The following GYS2 variants were observed in gnomAD, a reference collection of about 807,000 sequenced individuals.
The protein encoded by GYS2 is glycogen [starch] synthase, liver.
A neutral mutation model predicts 85.6 loss-of-function variants in GYS2; 80 were observed. The observed-to-expected ratio is 0.93, with a 90% CI of 0.78 to 1.13. The LOEUF (loss-of-function observed/expected upper bound fraction) is 1.13. GYS2 is among the 50% of genes most tolerant of loss of function. The pLI, the probability that GYS2 is intolerant of heterozygous loss-of-function variation, is 0.00. For synonymous variants in GYS2, 328 were observed against 300.7 expected, an observed-to-expected ratio of 1.09 and a Z score of -0.94; for missense variants, 881 against 854.9, an observed-to-expected ratio of 1.03 and a Z score of -0.38.
At chr12:21,563,159 C>G (rs1944276145) in intron 6 of GYS2, 69 bp downstream of exon 6, 1 of 1,185,546 alleles carries the variant, frequency 8.4e-7, no homozygotes, top group East Asian at 2.3e-5. Flanking sequence ...TATTACAATT[C>G]TGTTTTCTCT....
At position 21,586,491 on chromosome 12, in the gene GYS2, C is replaced by G. The variant is rs556353496; in HGVS notation, c.122-5968G>C. Among the ~76,000 whole-genome samples, 5 of 152,012 alleles carry G rather than the reference C, an allele frequency of 3.3e-5. No homozygotes were observed. In the East Asian group the frequency reaches 9.7e-4, roughly 29 times the overall value. ...CTATTAGTTCTGTCTCTCTAGGGAA[C>G]CCTGACAAATACAGTGAGCTCAGGT... On this transcript the variant is annotated intron_variant, in intron 1 of 15. Transcript: ENST00000261195.
At chr12:21,560,745 GT>G (rs1944243375) in intron 7 of GYS2, among the ~76,000 whole-genome samples, 1 of 152,096 alleles carries the variant, frequency 6.6e-6, no homozygotes, top group African/African-American at 2.4e-5. Flanking sequence ...GTATTTGTCA[GT>G]TAACAATTTG....
chr12:21,603,850 G>A (rs153945), intron 1 of GYS2, among the ~76,000 whole-genome samples: 145,937 of 152,196 alleles, frequency 0.96, 70,303 homozygotes, highest in East Asian at 1. Flanking sequence ...ACCCAGCACA[G>A]ATGAGGTTAT....
intron 1 of GYS2, among the ~76,000 whole-genome samples, chr12:21,597,394 A>G (rs1944708512): frequency 6.6e-6 from 1 of 152,160 alleles, no homozygotes; most frequent in Non-Finnish European, 1.5e-5. Flanking sequence ...TTGGCAAAGG[A>G]TATTTTTCAA....
chr12:21,542,127 C>T (rs979249654), intron 13 of GYS2, among the ~76,000 whole-genome samples: 1 of 151,974 alleles, frequency 6.6e-6, no homozygotes, highest in African/African-American at 2.4e-5. Context: ...AGCTCACTGC[C>T]TCCTCCGCCT....
At chr12:21,563,735 T>A (rs930459109) in intron 5 of GYS2, among the ~76,000 whole-genome samples, 5 of 152,192 alleles carry the variant, frequency 3.3e-5, no homozygotes, top group African/African-American at 1.2e-4. Flanking sequence ...AGTGCTCTTA[T>A]CTGCATTTTC....
intron 7 of GYS2, among the ~76,000 whole-genome samples, chr12:21,562,373 C>A (rs945142737): frequency 3.3e-5 from 5 of 151,996 alleles, no homozygotes; most frequent in Non-Finnish European, 7.4e-5. Context: ...CTATGTGGCA[C>A]GTGCTACTCT....
intron 8 of GYS2, 126 bp downstream of exon 8, chr12:21,560,260 A>G: frequency 1.4e-6 from 1 of 699,658 alleles, no homozygotes; most frequent in South Asian, 1.6e-5. Context: ...AAGAGAGTCA[A>G]GTATTATTTG....
At chr12:21,536,026 T>C (rs1283481896), downstream of GYS2, among the ~76,000 whole-genome samples, 1 of 152,218 alleles carries the variant, frequency 6.6e-6, no homozygotes, top group Admixed American at 6.5e-5. Flanking sequence ...ATAGCTTCTC[T>C]AGGAATTATT....
intron 11 of GYS2, among the ~76,000 whole-genome samples, chr12:21,550,342 CA>C (rs1565594732): frequency 3.7e-4 from 55 of 150,250 alleles, no homozygotes; most frequent in South Asian, 1.7e-3. Flanking sequence ...CACACACACA[CA>C]CACACACACC....
chr12:21,569,011 T>A lies in GYS2; in HGVS notation c.679-2A>T. ...CCCAGCCTCTTTGTCAATGTTAAAC[T>A]GTTAGAAACAAAAATAAAACACACA... On this transcript the variant is annotated splice_acceptor_variant, in intron 4 of 15. Coordinates refer to ENST00000261195, the MANE Select transcript of GYS2 (RefSeq NM_021957.4). LOFTEE classifies it high-confidence loss of function. 6.2e-7 allele frequency: 1 copy of A among 1,614,086 alleles called. No individual in the cohort carries two copies. Among genetic ancestry groups the A allele is most frequent in the Non-Finnish European group, 8.5e-7 (1 of 1,179,934 alleles).
intron 11 of GYS2, among the ~76,000 whole-genome samples, chr12:21,553,942 T>C (rs758747448): frequency 6.6e-6 from 1 of 152,220 alleles, no homozygotes; most frequent in Non-Finnish European, 1.5e-5. Flanking sequence ...ATGTATGTAT[T>C]CCTTTTTCTC....
intron 12 of GYS2, among the ~76,000 whole-genome samples, chr12:21,545,500 T>C (rs7133737): frequency 0.97 from 148,150 of 152,340 alleles, 72,062 homozygotes; most frequent in East Asian, 1. Flanking sequence ...GAAAAATATC[T>C]GATTATTAAT....
In GYS2 at chr12:21,568,901, CTGT is replaced by C. The variant is rs1169762099; in HGVS notation, c.784_786del (p.Thr262del). 2 of 1,613,262 alleles carry C rather than the reference CTGT, an allele frequency of 1.2e-6. No homozygotes were observed. The highest frequency in any genetic ancestry group is 1.7e-6 in the Non-Finnish European group (2 of 1,179,284). On this transcript the variant is annotated inframe_deletion, in exon 5 of 16. Transcript: ENST00000261195. The stretch of plus-strand genomic sequence containing the variant: ...TTCAGCATATGTTCAGCTTCTATTG[CTGT>C]TATTTCAGAAACCGTGGTGAACACG...
intron 7 of GYS2, among the ~76,000 whole-genome samples, chr12:21,561,935 A>C (rs1944258153): frequency 6.6e-6 from 1 of 152,190 alleles, no homozygotes; most frequent in Non-Finnish European, 1.5e-5. Context: ...GAACTCAGGA[A>C]AGTTTAGATT....
chr12:21,549,773 G>A (rs1156886430), intron 11 of GYS2, among the ~76,000 whole-genome samples: 2 of 152,152 alleles, frequency 1.3e-5, no homozygotes, highest in Non-Finnish European at 2.9e-5. Context: ...TTTTAATCAG[G>A]TGGTAAAGGT....
chr12:21,594,310 A>G (rs1944672059), intron 1 of GYS2, among the ~76,000 whole-genome samples: 1 of 152,182 alleles, frequency 6.6e-6, no homozygotes, highest in Non-Finnish European at 1.5e-5. Flanking sequence ...GATGAAGTCA[A>G]ACTGTCCATC....
chr12:21,574,872 A>G (rs990478161), intron 3 of GYS2, among the ~76,000 whole-genome samples: 1 of 151,976 alleles, frequency 6.6e-6, no homozygotes, highest in Admixed American at 6.6e-5. Context: ...TGGAGAAGCA[A>G]ATGTTGCCTA....
At chr12:21,576,297 T>C (rs1054672987) in intron 2 of GYS2, among the ~76,000 whole-genome samples, 5 of 152,200 alleles carry the variant, frequency 3.3e-5, no homozygotes, top group Admixed American at 3.3e-4. Context: ...AAACAATGTA[T>C]CTAAATCATG....
Sources: gnomAD v4.1 joint callset for allele counts (sites outside exome capture counted in the v4.1 genomes callset) on GRCh38, gnomAD v4.1.1 for gene constraint, MANE v1.5 for transcripts, NCBI Gene and HGNC (gene_info 2026-07-23, HGNC 2026-07-21) for gene names.